Variants in VPS13B observed in about 807,000 individuals in gnomAD.
The protein encoded by VPS13B is vacuolar protein sorting 13 homolog B.
A neutral mutation model predicts 426.4 loss-of-function variants in VPS13B; 285 were observed. That is an observed-to-expected ratio of 0.67 (90% CI 0.61 to 0.74). VPS13B has a LOEUF of 0.74. Among genes scored for constraint, VPS13B ranks in the 30% least tolerant of loss-of-function variants. The pLI is 0.00. For synonymous variants in VPS13B, 1,676 were observed against 1,676.4 expected (o/e 1.00, Z 0.01); for missense variants, 4,537 against 4,782.6 (o/e 0.95, Z 1.51).
At chr8:99,570,813 G>C (rs1275345996) in intron 31 of VPS13B, among the ~76,000 whole-genome samples, 1 of 151,936 alleles carries the variant, frequency 6.6e-6, no homozygotes, top group African/African-American at 2.4e-5. Context: ...TTCTAGAGAG[G>C]TTTTGCATCT....
intron 3 of VPS13B, among the ~76,000 whole-genome samples, chr8:99,061,345 T>A (rs1344615173): frequency 2.6e-5 from 4 of 151,592 alleles, no homozygotes; most frequent in African/African-American, 9.7e-5. Context: ...GACTATTTTT[T>A]GAAACTTGAG....
chr8:99,510,222 G>C (rs1177212315), intron 28 of VPS13B, among the ~76,000 whole-genome samples: 2 of 152,124 alleles, frequency 1.3e-5, no homozygotes, highest in Non-Finnish European at 2.9e-5. Context: ...TCAAAGCATG[G>C]TATCGATGAG....
chr8:99,470,241 C>G (rs911589829), intron 24 of VPS13B, among the ~76,000 whole-genome samples: 3 of 152,080 alleles, frequency 2.0e-5, no homozygotes, highest in Non-Finnish European at 2.9e-5. Flanking sequence ...GCTCCCTCAG[C>G]CTATCTTTCC....
In VPS13B at chr8:99,575,659, A is replaced by G; in HGVS notation, c.4951A>G (p.Ile1651Val). The G allele has an allele frequency of 1.9e-6, 3 of 1,613,920 alleles. No individual in the cohort carries two copies. Among genetic ancestry groups the G allele is most frequent in the Non-Finnish European group, 2.5e-6 (3 of 1,179,896 alleles). The change falls in exon 32 of 62, where the codon ATA (isoleucine) becomes GTA (valine). Residue 1651 changes from isoleucine (I) to valine (V), a missense_variant and splice_region_variant. Physicochemically the swap from Ile to Val is conservative, Grantham distance 29. Around this residue, in one of 2 missense-constraint regions of VPS13B, gnomAD observed 4,311 missense variants for 4,474.3 expected, o/e 0.96. Transcript: ENST00000357162. Reference protein sequence around the residue: ...PALEWNMASSIRRHQERRAIL... With the variant: ...PALEWNMASSVRRHQERRAIL... Reference sequence around the variant, plus strand: ...ATAATCTTTTACTCTATCTTTTAGCATACGGCGGCATCAAGAAAGGAGAGC... The same window carrying G: ...ATAATCTTTTACTCTATCTTTTAGCGTACGGCGGCATCAAGAAAGGAGAGC...
chr8:99,112,233 T>C (rs1847404517), intron 6 of VPS13B, among the ~76,000 whole-genome samples: 2 of 152,212 alleles, frequency 1.3e-5, no homozygotes, highest in South Asian at 2.1e-4. Flanking sequence ...TAGGTTTTAA[T>C]GTGGAGTAAA....
intron 17 of VPS13B, among the ~76,000 whole-genome samples, chr8:99,196,820 T>G (rs910125220): frequency 1.3e-5 from 2 of 152,202 alleles, no homozygotes; most frequent in African/African-American, 4.8e-5. Flanking sequence ...GCCTTTTCTT[T>G]CTTCCTCTTG....
intron 6 of VPS13B, among the ~76,000 whole-genome samples, chr8:99,113,015 T>C (rs549632971): frequency 6.6e-6 from 1 of 152,008 alleles, no homozygotes; most frequent in African/African-American, 2.4e-5. Flanking sequence ...TTTTCTCTCT[T>C]TCTTTTTTCT....
At position 99,360,811 on chromosome 8, in the gene VPS13B, A is replaced by C. The variant is rs575496299; in HGVS notation, c.2825-23397A>C. On this transcript the variant is annotated intron_variant, in intron 19 of 61. Coordinates refer to ENST00000357162, the MANE Select transcript of VPS13B (RefSeq NM_152564.5). Reference sequence around the variant, plus strand: ...GAAGATAATTATGATATGTAAGTTAAGTTCTTAGTCATTTTCAAAAGGTTT... The same window carrying C: ...GAAGATAATTATGATATGTAAGTTACGTTCTTAGTCATTTTCAAAAGGTTT... Among the ~76,000 whole-genome samples the C allele has an allele frequency of 2.0e-5, 3 of 152,302 alleles. No homozygotes were observed. The South Asian group carries it at 6.2e-4, about 32-fold the overall frequency.
intron 17 of VPS13B, among the ~76,000 whole-genome samples, chr8:99,270,923 A>G (rs188322797): frequency 1.2e-4 from 18 of 152,292 alleles, no homozygotes. Context: ...GTAGCTCAGC[A>G]TCCTTTGTTA....
chr8:99,750,352 A>G (rs1327979099), intron 39 of VPS13B, among the ~76,000 whole-genome samples: 1 of 152,126 alleles, frequency 6.6e-6, no homozygotes, highest in Non-Finnish European at 1.5e-5. Context: ...ACTTTGGGAC[A>G]CTTATATTAC....
rs1394216324 is a variant in VPS13B, at chr8:99,391,545, G to T, written c.2935-12G>T. 2.5e-6 allele frequency: 4 copies of T among 1,614,100 alleles called. No homozygotes were observed. The Admixed American group carries it at 5.0e-5, about 20-fold the overall frequency. On this transcript the variant is annotated splice_polypyrimidine_tract_variant and intron_variant, in intron 20 of 61. Transcript: ENST00000357162. ...TAAAAACTAAAAAGGTTTTCATTTT[G>T]TCTCTTTCCAGCAGCCTGTGGTAGC...
intron 14 of VPS13B, among the ~76,000 whole-genome samples, chr8:99,150,475 C>T (rs1490720038): frequency 6.6e-6 from 1 of 152,116 alleles, no homozygotes; most frequent in Non-Finnish European, 1.5e-5. Flanking sequence ...ATATAATTAT[C>T]TGCTATAACA....
intron 19 of VPS13B, among the ~76,000 whole-genome samples, chr8:99,377,090 T>C (rs1032832909): frequency 9.9e-5 from 15 of 152,128 alleles, no homozygotes; most frequent in Admixed American, 2.0e-4. Context: ...GATCTGTCTT[T>C]TTGAGTACTT....
intron 29 of VPS13B, among the ~76,000 whole-genome samples, chr8:99,520,195 G>C (rs1822301289): frequency 6.6e-6 from 1 of 152,082 alleles, no homozygotes; most frequent in South Asian, 2.1e-4. Flanking sequence ...TTAGGAGGTA[G>C]AACTTTTAAA....
intron 12 of VPS13B, among the ~76,000 whole-genome samples, chr8:99,139,122 G>A (rs1304758299): frequency 6.6e-6 from 1 of 152,132 alleles, no homozygotes; most frequent in East Asian, 1.9e-4. Flanking sequence ...GTACAGAACA[G>A]CAAATAATTT....
At chr8:99,544,227 A>G (rs962872268) in intron 30 of VPS13B, among the ~76,000 whole-genome samples, 4 of 151,196 alleles carry the variant, frequency 2.6e-5, no homozygotes, top group Admixed American at 1.3e-4. Context: ...AAAACCAAAC[A>G]CCGCATGTTC....
intron 21 of VPS13B, among the ~76,000 whole-genome samples, chr8:99,392,458 T>TTTTC (rs1285588039): frequency 1.3e-5 from 2 of 152,086 alleles, no homozygotes; most frequent in Non-Finnish European, 2.9e-5. Flanking sequence ...ATTTTATGTC[T>TTTTC]TTTCTTTAGC....
chr8:99,738,521 C>T (rs1440214318), intron 39 of VPS13B, among the ~76,000 whole-genome samples: 1 of 152,186 alleles, frequency 6.6e-6, no homozygotes, highest in African/African-American at 2.4e-5. Context: ...AGAGCTTAAC[C>T]TTGATGTAAG....
At chr8:99,240,281 C>T (rs1469413053) in intron 17 of VPS13B, among the ~76,000 whole-genome samples, 2 of 152,060 alleles carry the variant, frequency 1.3e-5, no homozygotes, top group Non-Finnish European at 1.5e-5. Flanking sequence ...TAATTTGGTT[C>T]GCAGCTTTTA....
Sources: gnomAD v4.1 joint callset for allele counts (sites outside exome capture counted in the v4.1 genomes callset) on GRCh38, gnomAD v4.1.1 for gene constraint, gnomAD v4.1.1 regional missense constraint, MANE v1.5 for transcripts, NCBI Gene and HGNC (gene_info 2026-07-23, HGNC 2026-07-21) for gene names.